AK9: variants seen among roughly 807,000 people sequenced by gnomAD.
AK9 encodes the protein adenylate kinase domain containing 1.
A neutral mutation model predicts 239.6 loss-of-function variants in AK9; 191 were observed. That is an observed-to-expected ratio of 0.80 (90% CI 0.71 to 0.90). The LOEUF (loss-of-function observed/expected upper bound fraction) is 0.90, where lower values mean the gene tolerates loss of function less well. Among genes scored for constraint, AK9 ranks in the 40% least tolerant of loss-of-function variants. AK9 has a pLI of 0.00. For missense variants in AK9, 1,995 were observed against 2,214.7 expected (o/e 0.90, Z 1.99); for synonymous variants, 689 against 721.0 (o/e 0.96, Z 0.71).
chr6:109,577,896 CTCTT>C (rs1365763007), intron 20 of AK9, among the ~76,000 whole-genome samples: 1 of 82,042 alleles, frequency 1.2e-5, no homozygotes, highest in African/African-American at 4.9e-5. Flanking sequence ...CCTTCTCTCT[CTCTT>C]TCTCTCTTTC....
chr6:109,653,477 C>T (rs1799262134), intron 8 of AK9, among the ~76,000 whole-genome samples: 1 of 152,168 alleles, frequency 6.6e-6, no homozygotes, highest in South Asian at 2.1e-4. Context: ...AGCCTCTACG[C>T]ATTTTTCTTT....
At chr6:109,619,402 G>A (rs1794559667) in intron 12 of AK9, among the ~76,000 whole-genome samples, 166 bp from the exon 13 acceptor site, 1 of 151,766 alleles carries the variant, frequency 6.6e-6, no homozygotes, top group Non-Finnish European at 1.5e-5. Context: ...ACCTATTTTT[G>A]AGTACTTGCT....
At chr6:109,529,380 A>C (rs539762744) in intron 28 of AK9, among the ~76,000 whole-genome samples, 28 of 152,254 alleles carry the variant, frequency 1.8e-4, no homozygotes, top group Admixed American at 1.8e-3. Flanking sequence ...GTGGCAGGAA[A>C]TAGGGAAATA....
intron 17 of AK9, among the ~76,000 whole-genome samples, chr6:109,606,459 A>C (rs1244047364): frequency 2.0e-5 from 3 of 152,234 alleles, no homozygotes; most frequent in African/African-American, 7.2e-5. Flanking sequence ...CCATGTAGAC[A>C]GAGAAGCAGA....
At chr6:109,664,994 C>T (rs867256065) in intron 5 of AK9, among the ~76,000 whole-genome samples, 3 of 151,930 alleles carry the variant, frequency 2.0e-5, no homozygotes, top group South Asian at 2.1e-4. Flanking sequence ...TAGCCGAGAT[C>T]GCACCACTGC....
At chr6:109,497,667 A>G in intron 37 of AK9, 104 bp from the exon 38 acceptor site, 2 of 1,353,024 alleles carry the variant, frequency 1.5e-6, no homozygotes, top group Non-Finnish European at 2.0e-6. Context: ...TATGTAGCTC[A>G]AGGAAGAAAT....
intron 12 of AK9, among the ~76,000 whole-genome samples, chr6:109,621,134 T>A (rs1478716745): frequency 7.1e-6 from 1 of 140,026 alleles, no homozygotes; most frequent in Non-Finnish European, 1.5e-5. Flanking sequence ...AAAAAACACA[T>A]GAAAAAATGC....
rs376701100 is a variant in AK9, at chr6:109,564,739, T to C, written c.2434+17A>G. 1.3e-6 allele frequency: 2 copies of C among 1,501,978 alleles called. No individual in the cohort carries two copies. The highest frequency in any genetic ancestry group is 1.4e-5 in the African/African-American group (1 of 71,236). The allele number at this position is 1,501,978 out of a possible 1,614,324, so 93.0% of individuals were successfully genotyped here. On this transcript the variant is annotated intron_variant, in intron 22 of 40. Transcript: ENST00000424296. ...AAGTACTTTTATGCAAGAACTACTT[T>C]CATTTTACAGTCTAACCTGTTTCAG...
intron 3 of AK9, 109 bp downstream of exon 3, chr6:109,674,082 GTTAATCA>G: frequency 1.5e-6 from 1 of 669,610 alleles, no homozygotes; most frequent in Non-Finnish European, 2.2e-6. Flanking sequence ...ATAGCAAAAC[GTTAATCA>G]CAGACTCTAG....
chr6:109,584,143 T>C (rs533321344), intron 19 of AK9, among the ~76,000 whole-genome samples: 1 of 152,288 alleles, frequency 6.6e-6, no homozygotes, highest in Admixed American at 6.5e-5. Flanking sequence ...GTTAAATTTC[T>C]AAAGGAGTGA....
intron 22 of AK9, 35 bp from the exon 23 acceptor site, chr6:109,564,315 G>C (rs933956859): frequency 3.4e-6 from 5 of 1,480,390 alleles, no homozygotes; most frequent in Non-Finnish European, 4.5e-6. Flanking sequence ...GAAAAAAGGG[G>C]CTTTAAATAT....
At chr6:109,665,469 G>C (rs76887937) in intron 5 of AK9, among the ~76,000 whole-genome samples, 2 of 66,052 alleles carry the variant, frequency 3.0e-5, no homozygotes, top group Non-Finnish European at 7.9e-5. Flanking sequence ...GCCTCTTCTT[G>C]TTGTTCTCTT....
chr6:109,607,768 G>T (rs977208630), intron 17 of AK9, among the ~76,000 whole-genome samples: 3 of 145,382 alleles, frequency 2.1e-5, no homozygotes, highest in Admixed American at 1.4e-4. Flanking sequence ...CCAGCAGAGG[G>T]GTGTGTGTGT....
intron 8 of AK9, among the ~76,000 whole-genome samples, chr6:109,654,052 C>T (rs1410253427): frequency 3.3e-5 from 5 of 152,158 alleles, no homozygotes; most frequent in East Asian, 1.9e-4. Flanking sequence ...CTGTCTCCAT[C>T]TTTTCTCATG....
At position 109,597,649 on chromosome 6, in the gene AK9, G is replaced by C. The variant is rs113357757; in HGVS notation, c.1843-11577C>G. Among the ~76,000 whole-genome samples, 954 of 151,040 alleles carry C rather than the reference G, an allele frequency of 6.3e-3. 16 individuals are homozygous for C. The highest frequency in any genetic ancestry group is 0.022 in the African/African-American group (907 of 41,090). On this transcript the variant is annotated intron_variant, in intron 17 of 40. Transcript: ENST00000424296. The stretch of plus-strand genomic sequence containing the variant: ...GATGGCGCCACTGCATTCCAGCCTG[G>C]GGGACAGAGAGAGACACCGTCTCAA...
At chr6:109,513,978 A>C (rs1779008519) in intron 32 of AK9, among the ~76,000 whole-genome samples, 1 of 152,178 alleles carries the variant, frequency 6.6e-6, no homozygotes, top group African/African-American at 2.4e-5. Context: ...TTCACCCTGC[A>C]TTCTTCAGCC....
chr6:109,516,673 C>A (rs759639308), intron 29 of AK9, 31 bp from the exon 30 acceptor site: 1 of 1,498,686 alleles, frequency 6.7e-7, no homozygotes, highest in Non-Finnish European at 9.0e-7. Context: ...TTTTACTATA[C>A]ATATAAAATA....
chr6:109,582,664 A>G (rs1472074558), intron 19 of AK9, among the ~76,000 whole-genome samples: 1 of 152,200 alleles, frequency 6.6e-6, no homozygotes, highest in Admixed American at 6.5e-5. Context: ...TGAAATTACA[A>G]CAAAAAATTT....
intron 17 of AK9, among the ~76,000 whole-genome samples, chr6:109,609,797 T>C (rs948823385): frequency 1.3e-5 from 2 of 152,232 alleles, no homozygotes; most frequent in African/African-American, 2.4e-5. Context: ...AATGTTTACT[T>C]AAGATCTTTG....
Sources: allele counts gnomAD v4.1 joint callset (sites outside exome capture counted in the v4.1 genomes callset), GRCh38; gene constraint gnomAD v4.1.1; transcripts MANE v1.5; gene names NCBI Gene and HGNC (gene_info 2026-07-23, HGNC 2026-07-21).